The following EIF4E variants were observed in gnomAD, a reference collection of about 807,000 sequenced individuals.
EIF4E encodes the protein eukaryotic translation initiation factor 4E.
For synonymous variants in EIF4E, 71 were observed against 88.5 expected (o/e 0.80, Z 1.11); for missense variants, 113 against 265.6 (o/e 0.43, Z 3.99).
intron 1 of EIF4E, among the ~76,000 whole-genome samples, chr4:98,904,323 TTC>T (rs143113463): frequency 6.6e-6 from 1 of 151,824 alleles, no homozygotes; most frequent in Non-Finnish European, 1.5e-5. Context: ...ACAATCCTCT[TTC>T]TCTCTCTCTC....
intron 1 of EIF4E, among the ~76,000 whole-genome samples, chr4:98,919,731 G>T (rs1256644478): frequency 6.6e-6 from 1 of 151,632 alleles, no homozygotes; most frequent in East Asian, 1.9e-4. Flanking sequence ...GCTAATTTTT[G>T]TATTTTTAGT....
intron 1 of EIF4E, among the ~76,000 whole-genome samples, chr4:98,911,016 G>A (rs113972721): frequency 0.041 from 6,256 of 151,474 alleles, 408 homozygotes; most frequent in African/African-American, 0.14. Flanking sequence ...TTACAGGCAT[G>A]AGCCACCGCA....
intron 1 of EIF4E, among the ~76,000 whole-genome samples, chr4:98,922,511 G>A (rs1438250892): frequency 5.3e-5 from 8 of 150,562 alleles, no homozygotes; most frequent in South Asian, 2.1e-4. Flanking sequence ...AGCCGAGATC[G>A]CGCCACTGTA....
intron 1 of EIF4E, chr4:98,909,983 T>C: frequency 2.1e-6 from 1 of 473,834 alleles, no homozygotes; most frequent in Non-Finnish European, 3.7e-6. Context: ...ATTAGTATAA[T>C]TAATTAACTA....
chr4:98,893,015 A>T (rs1165220618), intron 2 of EIF4E, among the ~76,000 whole-genome samples: 1 of 152,204 alleles, frequency 6.6e-6, no homozygotes, highest in East Asian at 1.9e-4. Context: ...AGATCATCAT[A>T]ATAAAGTGAG....
intron 3 of EIF4E, 150 bp from the exon 4 acceptor site, chr4:98,888,102 C>CA (rs1723998296): frequency 1.4e-6 from 1 of 695,158 alleles, no homozygotes; most frequent in Non-Finnish European, 2.4e-6. Context: ...CTAAAATGGA[C>CA]AAAACAGATC....
At chr4:98,896,270 G>A (rs959453014) in intron 2 of EIF4E, among the ~76,000 whole-genome samples, 1 of 148,584 alleles carries the variant, frequency 6.7e-6, no homozygotes, top group African/African-American at 2.6e-5. Context: ...CACTCTGGAG[G>A]CCAAGGCAGG....
chr4:98,918,327 C>A (rs903660108), intron 1 of EIF4E, among the ~76,000 whole-genome samples: 2 of 147,940 alleles, frequency 1.4e-5, no homozygotes, highest in African/African-American at 5.0e-5. Flanking sequence ...TGTCACTGCA[C>A]TCCAGCCTAG....
At chr4:98,901,108 T>A (rs1724626610) in intron 2 of EIF4E, among the ~76,000 whole-genome samples, 1 of 152,226 alleles carries the variant, frequency 6.6e-6, no homozygotes. Flanking sequence ...TATTTTGACA[T>A]CTTGCTTCAT....
At position 98,891,483 on chromosome 4, in the gene EIF4E, A is replaced by G. The variant is rs921887592; in HGVS notation, c.126-151T>C. 1.5e-5 allele frequency: 10 copies of G among 677,018 alleles called. No individual in the cohort carries two copies. In the African/African-American group the frequency reaches 1.8e-4, roughly 12 times the overall value. 41.9% of individuals were successfully genotyped at this position (677,018 alleles called of 1,614,324 possible). ...ATATACACACAATGGAATACTAAAA[A>G]GCCCTGATGAAGGAAATTCTAACAC... On this transcript the variant is annotated intron_variant, in intron 2 of 6. Transcript: ENST00000450253.
intron 1 of EIF4E, among the ~76,000 whole-genome samples, chr4:98,906,201 G>T (rs1457402925): frequency 6.6e-6 from 1 of 152,092 alleles, no homozygotes; most frequent in Non-Finnish European, 1.5e-5. Flanking sequence ...CTTACTCACA[G>T]GAACTTCCAA....
At chr4:98,915,419 T>C (rs1309244585) in intron 1 of EIF4E, among the ~76,000 whole-genome samples, 4 of 152,190 alleles carry the variant, frequency 2.6e-5, no homozygotes, top group African/African-American at 7.2e-5. Context: ...GTTCAAAATG[T>C]ATTATAACAA....
intron 2 of EIF4E, among the ~76,000 whole-genome samples, chr4:98,892,706 C>T (rs903042151): frequency 3.4e-5 from 5 of 148,328 alleles, no homozygotes; most frequent in Admixed American, 2.7e-4. Flanking sequence ...AAAAAGAAGG[C>T]GAGAAACAGG....
At chr4:98,925,351 T>C (rs561730826) in intron 1 of EIF4E, among the ~76,000 whole-genome samples, 3 of 152,336 alleles carry the variant, frequency 2.0e-5, no homozygotes, top group East Asian at 1.9e-4. Context: ...TAATGAACGA[T>C]GTAGAATGAA....
intron 1 of EIF4E, among the ~76,000 whole-genome samples, chr4:98,907,829 T>A (rs1724941347): frequency 6.6e-6 from 1 of 152,174 alleles, no homozygotes; most frequent in South Asian, 2.1e-4. Flanking sequence ...CCGTGTGGGT[T>A]TTCATCAACA....
At chr4:98,896,582 T>G (rs1213420188) in intron 2 of EIF4E, among the ~76,000 whole-genome samples, 1 of 145,664 alleles carries the variant, frequency 6.9e-6, no homozygotes, top group African/African-American at 2.6e-5. Context: ...GAAGGTCATT[T>G]GAGCCCAGAA....
At chr4:98,900,956 A>C (rs1724616953) in intron 2 of EIF4E, among the ~76,000 whole-genome samples, 1 of 152,118 alleles carries the variant, frequency 6.6e-6, no homozygotes, top group Non-Finnish European at 1.5e-5. Flanking sequence ...TTCTTACTCT[A>C]TACATCTGTA....
At chr4:98,901,834 C>T in intron 2 of EIF4E, 42 bp downstream of exon 2, 1 of 1,563,624 alleles carries the variant, frequency 6.4e-7, no homozygotes, top group Non-Finnish European at 8.8e-7. Flanking sequence ...CACAATTTAC[C>T]TTGTGGCCTA....
At chr4:98,913,151 T>C (rs1270959077) in intron 1 of EIF4E, among the ~76,000 whole-genome samples, 1 of 151,414 alleles carries the variant, frequency 6.6e-6, no homozygotes, top group Non-Finnish European at 1.5e-5. Context: ...GAGGTTGCAG[T>C]GAGCCAAGGT....
Sources: gnomAD v4.1 joint callset for allele counts (sites outside exome capture counted in the v4.1 genomes callset) on GRCh38, gnomAD v4.1.1 for gene constraint, MANE v1.5 for transcripts, NCBI Gene and HGNC (gene_info 2026-07-23, HGNC 2026-07-21) for gene names.